The following CMSS1 variants were observed in gnomAD, a reference collection of about 807,000 sequenced individuals.
The protein encoded by CMSS1 is protein CMSS1.
In CMSS1, 33 loss-of-function variants were observed where a neutral mutation model predicts 43.5. The ratio of observed to expected loss-of-function variants is 0.76; its 90% CI spans 0.57 to 1.01. CMSS1 has a LOEUF of 1.01. CMSS1 is among the 50% of genes least tolerant of loss of function. CMSS1 has a pLI of 0.00. For missense variants in CMSS1, 313 were observed against 326.4 expected (o/e 0.96, Z 0.32); for synonymous variants, 115 against 117.2 (o/e 0.98, Z 0.12).
intron 1 of CMSS1, among the ~76,000 whole-genome samples, chr3:100,049,686 C>T (rs372701445): frequency 6.6e-6 from 1 of 152,120 alleles, no homozygotes; most frequent in African/African-American, 2.4e-5. Context: ...TCCTTCTCAG[C>T]CTACTTGAAG....
intron 1 of CMSS1, among the ~76,000 whole-genome samples, chr3:100,079,816 T>TA (rs551720958): frequency 5.8e-4 from 85 of 147,260 alleles, no homozygotes; most frequent in East Asian, 4.9e-3. Flanking sequence ...CATGATAACC[T>TA]AAAAAAAAAA....
chr3:100,087,093 C>A (rs571752873), intron 1 of CMSS1, among the ~76,000 whole-genome samples: 1 of 152,146 alleles, frequency 6.6e-6, no homozygotes, highest in Non-Finnish European at 1.5e-5. Flanking sequence ...TTTGCTAATC[C>A]AATTACGAGT....
At chr3:100,024,550 G>A (rs764090885) in intron 1 of CMSS1, among the ~76,000 whole-genome samples, 1 of 151,998 alleles carries the variant, frequency 6.6e-6, no homozygotes. Context: ...TTCTTTCATG[G>A]TTATATTTCA....
At chr3:99,903,318 C>T (rs1336661726) in intron 1 of CMSS1, among the ~76,000 whole-genome samples, 2 of 151,684 alleles carry the variant, frequency 1.3e-5, no homozygotes, top group African/African-American at 2.4e-5. Flanking sequence ...GTGGCGTGAT[C>T]TCAGCTCACT....
At chr3:99,851,592 G>T (rs1382840936) in intron 1 of CMSS1, among the ~76,000 whole-genome samples, 1 of 152,114 alleles carries the variant, frequency 6.6e-6, no homozygotes, top group African/African-American at 2.4e-5. Flanking sequence ...CATTGTCCTG[G>T]CACATGGTAA....
chr3:99,959,370 G>A (rs1216575868), intron 1 of CMSS1, among the ~76,000 whole-genome samples: 4 of 152,152 alleles, frequency 2.6e-5, no homozygotes, highest in African/African-American at 7.2e-5. Context: ...GGCTGGTCTC[G>A]AACTCCTGTC....
At position 100,089,885 on chromosome 3, in the gene CMSS1, C is replaced by T. The variant is rs1354186939; in HGVS notation, c.65-57088C>T. Among the ~76,000 whole-genome samples the T allele has an allele frequency of 5.3e-5, 8 of 152,324 alleles. 1 individual carries two copies. The South Asian group carries it at 1.7e-3, about 32-fold the overall frequency. On this transcript the variant is annotated intron_variant, in intron 1 of 9. Coordinates refer to ENST00000421999, the MANE Select transcript of CMSS1 (RefSeq NM_032359.4). ...GTGACCTGGAGCAAGTCTTGTCTTC[C>T]GTTTCCTAGGCTGTGAACTGTAGGA...
intron 1 of CMSS1, among the ~76,000 whole-genome samples, chr3:99,818,583 T>C (rs868576541): frequency 6.6e-6 from 1 of 152,222 alleles, no homozygotes; most frequent in African/African-American, 2.4e-5. Context: ...GTGTGGTAAA[T>C]ATAAGTTACT....
chr3:99,827,662 T>C (rs1019028650), intron 1 of CMSS1, among the ~76,000 whole-genome samples: 1 of 152,168 alleles, frequency 6.6e-6, no homozygotes, highest in Non-Finnish European at 1.5e-5. Context: ...TGGAGTGCAA[T>C]GGCGCAATCT....
At chr3:100,101,859 G>C (rs2066312668) in intron 1 of CMSS1, among the ~76,000 whole-genome samples, 1 of 152,146 alleles carries the variant, frequency 6.6e-6, no homozygotes, top group Non-Finnish European at 1.5e-5. Flanking sequence ...CTACGAGTGA[G>C]AACATGCAGT....
At chr3:100,166,262 C>A in intron 4 of CMSS1, 73 bp from the exon 5 acceptor site, 2 of 999,104 alleles carry the variant, frequency 2.0e-6, no homozygotes, top group Admixed American at 1.8e-5. Flanking sequence ...TCACTCATAA[C>A]TCACATATAA....
At chr3:99,880,281 C>T (rs1298903414) in intron 1 of CMSS1, among the ~76,000 whole-genome samples, 2 of 152,160 alleles carry the variant, frequency 1.3e-5, no homozygotes, top group Admixed American at 6.5e-5. Flanking sequence ...TGGCTCTGTA[C>T]ATGTAGATAC....
intron 1 of CMSS1, among the ~76,000 whole-genome samples, chr3:99,831,585 A>C (rs956464129): frequency 6.6e-6 from 1 of 152,250 alleles, no homozygotes; most frequent in African/African-American, 2.4e-5. Flanking sequence ...AGACTAATCA[A>C]GTCTGCTAAT....
At chr3:99,818,189 G>T in intron 1 of CMSS1, 146 bp downstream of exon 1, 6 of 691,042 alleles carry the variant, frequency 8.7e-6, no homozygotes, top group Non-Finnish European at 1.3e-5. Context: ...GGGGAAAATG[G>T]TGCAAGAGAT....
At position 100,109,178 on chromosome 3, in the gene CMSS1, AT is replaced by A. The variant is rs1251497524; in HGVS notation, c.65-37789del. On this transcript the variant is annotated intron_variant, in intron 1 of 9. Coordinates refer to ENST00000421999, the MANE Select transcript of CMSS1 (RefSeq NM_032359.4). ...TCAAGGTGGTTGGACTCTATTAATC[AT>A]TTTTTAAGGGTTCTTTTTCTTTTGT... Among the ~76,000 whole-genome samples the A allele has an allele frequency of 6.6e-5, 10 of 151,650 alleles. No individual in the cohort carries two copies. In the South Asian group the frequency reaches 1.2e-3, roughly 19 times the overall value.
In CMSS1 at chr3:100,078,474, T is replaced by C. The variant is rs573685743; in HGVS notation, c.65-68499T>C. On this transcript the variant is annotated intron_variant, in intron 1 of 9. Transcript: ENST00000421999. ...ATGTAGTCGTTTAAAACAGCAATAATTTATTTTTTATTGACTAGGTCAAGG... is the reference window on the plus strand; with the variant it reads ...ATGTAGTCGTTTAAAACAGCAATAACTTATTTTTTATTGACTAGGTCAAGG... 6.6e-5 allele frequency among the ~76,000 whole-genome samples: 10 copies of C among 152,334 alleles called. No individual in the cohort carries two copies. In the South Asian group the frequency reaches 2.1e-3, roughly 32 times the overall value.
At chr3:99,855,278 G>A (rs907815314) in intron 1 of CMSS1, among the ~76,000 whole-genome samples, 6 of 152,234 alleles carry the variant, frequency 3.9e-5, no homozygotes, top group African/African-American at 1.2e-4. Flanking sequence ...GACTCAAAAT[G>A]CATACCATAG....
chr3:99,981,475 C>CACAATGATACATGATAAATGAT (rs1294015927), intron 1 of CMSS1, among the ~76,000 whole-genome samples: 3 of 152,140 alleles, frequency 2.0e-5, no homozygotes, highest in Admixed American at 6.5e-5. Flanking sequence ...TCCTAGCACT[C>CACAATGATACATGATAAATGAT]ACAATGATAC....
chr3:100,009,407 T>TA (rs995905813), intron 1 of CMSS1, among the ~76,000 whole-genome samples: 43 of 152,318 alleles, frequency 2.8e-4, no homozygotes, highest in African/African-American at 7.9e-4. Context: ...CTGCTCCTGT[T>TA]AGCAACCTGA....
Sources: allele counts gnomAD v4.1 joint callset (sites outside exome capture counted in the v4.1 genomes callset), GRCh38; gene constraint gnomAD v4.1.1; transcripts MANE v1.5; gene names NCBI Gene and HGNC (gene_info 2026-07-23, HGNC 2026-07-21).